GRID2: variants seen among roughly 807,000 people sequenced by gnomAD.
The protein encoded by GRID2 is glutamate ionotropic receptor delta type subunit 2.
In GRID2, 33 loss-of-function variants were observed where a neutral mutation model predicts 114.8. The observed-to-expected ratio is 0.29, with a 90% CI of 0.22 to 0.38. The LOEUF (loss-of-function observed/expected upper bound fraction) is 0.38. Among genes scored for constraint, GRID2 ranks in the 10% least tolerant of loss-of-function variants. The pLI, the probability that GRID2 is intolerant of heterozygous loss-of-function variation, is 1.00. For synonymous variants in GRID2, 505 were observed against 449.9 expected, an observed-to-expected ratio of 1.12 and a Z score of -1.55; for missense variants, 1,184 against 1,257.7, an observed-to-expected ratio of 0.94 and a Z score of 0.89.
At chr4:93,735,240 C>T (rs1730826644) in intron 14 of GRID2, among the ~76,000 whole-genome samples, 1 of 151,988 alleles carries the variant, frequency 6.6e-6, no homozygotes, top group African/African-American at 2.4e-5. Flanking sequence ...TCTCTAAGTA[C>T]ACATTTGACT....
Position 92,557,730 on chromosome 4 carries a change from A to G in GRID2, c.89-32401A>G, listed in dbSNP as rs541172751. 1.5e-4 allele frequency among the ~76,000 whole-genome samples: 23 copies of G among 151,576 alleles called. No homozygotes were observed. In the South Asian group the frequency reaches 4.6e-3, roughly 30 times the overall value. ...TATTTATATATGGCATTATAAATTT[A>G]TAGAAGGGCCTTGGACATCCTCTAG... is the stretch of plus-strand genomic sequence containing the variant. On this transcript the variant is annotated intron_variant, in intron 1 of 15. Coordinates refer to ENST00000282020, the MANE Select transcript of GRID2 (RefSeq NM_001510.4).
At chr4:92,327,686 GT>G in intron 1 of GRID2, among the ~76,000 whole-genome samples, 1 of 151,946 alleles carries the variant, frequency 6.6e-6, no homozygotes, top group South Asian at 2.1e-4. Context: ...AACTGTTATA[GT>G]TTCACATTTT....
intron 8 of GRID2, among the ~76,000 whole-genome samples, chr4:93,250,292 C>T (rs1748718762): frequency 6.6e-6 from 1 of 151,836 alleles, no homozygotes; most frequent in Non-Finnish European, 1.5e-5. Flanking sequence ...GGGAGTTGAA[C>T]AATGAGAACA....
intron 2 of GRID2, among the ~76,000 whole-genome samples, chr4:92,751,762 C>T (rs1737465939): frequency 1.3e-5 from 2 of 152,122 alleles, no homozygotes; most frequent in African/African-American, 4.8e-5. Flanking sequence ...ATAGTCATTT[C>T]AACATTCTAG....
At chr4:92,753,563 A>G (rs1465868688) in intron 2 of GRID2, among the ~76,000 whole-genome samples, 2 of 152,234 alleles carry the variant, frequency 1.3e-5, no homozygotes, top group Non-Finnish European at 2.9e-5. Flanking sequence ...ATGTCCTCAG[A>G]GCAGGATGGC....
chr4:93,724,924 T>C (rs1350940640), intron 14 of GRID2, among the ~76,000 whole-genome samples: 1 of 152,072 alleles, frequency 6.6e-6, no homozygotes, highest in East Asian at 1.9e-4. Context: ...GGATTATAGG[T>C]GTGCACCACC....
chr4:93,172,915 T>C (rs1053246933), intron 4 of GRID2, among the ~76,000 whole-genome samples: 6 of 152,128 alleles, frequency 3.9e-5, no homozygotes, highest in Non-Finnish European at 8.8e-5. Context: ...CTTAAACTTT[T>C]TTTTTTTTCA....
intron 1 of GRID2, among the ~76,000 whole-genome samples, chr4:92,331,164 C>A (rs532048241): frequency 6.6e-6 from 1 of 152,096 alleles, no homozygotes; most frequent in East Asian, 1.9e-4. Flanking sequence ...TCAGACTGAC[C>A]TTGATTTACT....
chr4:93,352,626 A>G (rs1760913133), intron 8 of GRID2, among the ~76,000 whole-genome samples: 1 of 152,054 alleles, frequency 6.6e-6, no homozygotes. Context: ...CCTACACTCT[A>G]TTGAATGATC....
At chr4:92,623,398 A>C (rs1730370289) in intron 2 of GRID2, among the ~76,000 whole-genome samples, 1 of 151,542 alleles carries the variant, frequency 6.6e-6, no homozygotes, top group Non-Finnish European at 1.5e-5. Context: ...CAAAAAAATC[A>C]CTCTCTGGAC....
chr4:92,718,656 A>C (rs974235854), intron 2 of GRID2, among the ~76,000 whole-genome samples: 1 of 149,312 alleles, frequency 6.7e-6, no homozygotes, highest in South Asian at 2.2e-4. Flanking sequence ...ATAGATGATC[A>C]GGAGGCTCAG....
intron 2 of GRID2, among the ~76,000 whole-genome samples, chr4:92,902,873 C>A (rs1004377949): frequency 1.3e-5 from 2 of 151,842 alleles, no homozygotes; most frequent in African/African-American, 4.8e-5. Context: ...TGACAAAAAT[C>A]TATGTGTTGA....
At chr4:93,237,597 A>C (rs975268413) in intron 7 of GRID2, among the ~76,000 whole-genome samples, 1 of 151,904 alleles carries the variant, frequency 6.6e-6, no homozygotes, top group Non-Finnish European at 1.5e-5. Context: ...TTAGCATTGA[A>C]GTGACTCAGA....
chr4:93,741,080 T>A (rs569911183), intron 14 of GRID2, among the ~76,000 whole-genome samples: 8 of 149,576 alleles, frequency 5.3e-5, no homozygotes. Context: ...TCAGTTCCTG[T>A]CTCAATCTCA....
At chr4:92,740,701 TAGATAGATAGATA>T (rs1560565440) in intron 2 of GRID2, among the ~76,000 whole-genome samples, 43 of 70,574 alleles carry the variant, frequency 6.1e-4, no homozygotes, top group South Asian at 4.8e-3. Context: ...GATAGATAGA[TAGATAGATAGATA>T]GATAGATAGA....
At chr4:93,192,747 CAAAAAAAAA>C (rs775968274) in intron 4 of GRID2, among the ~76,000 whole-genome samples, 1 of 43,750 alleles carries the variant, frequency 2.3e-5, no homozygotes, top group Non-Finnish European at 4.8e-5. Context: ...AACTCCATCT[CAAAAAAAAA>C]AAAAAAAAAA....
intron 2 of GRID2, among the ~76,000 whole-genome samples, chr4:92,960,003 A>AT (rs1246964354): frequency 6.6e-6 from 1 of 151,980 alleles, no homozygotes; most frequent in African/African-American, 2.4e-5. Context: ...TTAAAGTATA[A>AT]TTTAAAAAAA....
chr4:93,023,316 T>C (rs1723572450), intron 2 of GRID2, among the ~76,000 whole-genome samples: 1 of 151,894 alleles, frequency 6.6e-6, no homozygotes, highest in Admixed American at 6.6e-5. Context: ...AAAAAAAATC[T>C]GTAGTGAAAT....
At chr4:93,292,252 G>A (rs1403566243) in intron 8 of GRID2, among the ~76,000 whole-genome samples, 1 of 152,142 alleles carries the variant, frequency 6.6e-6, no homozygotes, top group Non-Finnish European at 1.5e-5. Flanking sequence ...AATATAAGGG[G>A]CTGGGGTACT....
Sources: gnomAD v4.1 joint callset for allele counts (sites outside exome capture counted in the v4.1 genomes callset) on GRCh38, gnomAD v4.1.1 for gene constraint, MANE v1.5 for transcripts, NCBI Gene and HGNC (gene_info 2026-07-23, HGNC 2026-07-21) for gene names.